The following ABLIM1 variants were observed in gnomAD, a reference collection of about 807,000 sequenced individuals.
ABLIM1 encodes the protein actin-binding LIM protein 1.
ABLIM1 carries 40 observed loss-of-function variants against 107.0 expected under a neutral mutation model. That is an observed-to-expected ratio of 0.37 (90% CI 0.29 to 0.49). The LOEUF is 0.49. Among genes scored for constraint, ABLIM1 ranks in the 20% least tolerant of loss-of-function variants. The pLI is 0.97. For missense variants in ABLIM1, 857 were observed against 1,008.5 expected (o/e 0.85, Z 2.04); for synonymous variants, 357 against 357.3 (o/e 1.00, Z 0.01).
chr10:114,757,743 A>G (rs2082663103), intron 1 of ABLIM1, among the ~76,000 whole-genome samples: 1 of 152,146 alleles, frequency 6.6e-6, no homozygotes, highest in African/African-American at 2.4e-5. Flanking sequence ...CTACATGTTG[A>G]CTGAATGATC....
At chr10:114,475,558 G>A (rs1295692421) in intron 8 of ABLIM1, among the ~76,000 whole-genome samples, 1 of 152,180 alleles carries the variant, frequency 6.6e-6, no homozygotes, top group Admixed American at 6.6e-5. Flanking sequence ...CTAGTTGAGG[G>A]AATGAGCTAG....
intron 1 of ABLIM1, among the ~76,000 whole-genome samples, chr10:114,636,510 A>G (rs553072855): frequency 1.3e-5 from 2 of 152,328 alleles, no homozygotes; most frequent in Admixed American, 6.5e-5. Flanking sequence ...GGTGTTTAGC[A>G]GACAGCTTGA....
intron 1 of ABLIM1, among the ~76,000 whole-genome samples, chr10:114,649,842 A>G (rs60982284): frequency 0.023 from 3,228 of 141,386 alleles, 103 homozygotes; most frequent in African/African-American, 0.082. Flanking sequence ...CACACAATCC[A>G]TATCCCCCCT....
chr10:114,487,669 T>C (rs2058381173), intron 8 of ABLIM1, among the ~76,000 whole-genome samples: 1 of 152,076 alleles, frequency 6.6e-6, no homozygotes, highest in African/African-American at 2.4e-5. Context: ...GATGAGTCGT[T>C]GTTTTCCCAT....
At chr10:114,543,694 C>T (rs185396072) in intron 6 of ABLIM1, among the ~76,000 whole-genome samples, 15 of 152,312 alleles carry the variant, frequency 9.8e-5, no homozygotes, top group East Asian at 9.6e-4. Flanking sequence ...GGCTTCCTAC[C>T]GCTTTTAGGG....
intron 6 of ABLIM1, among the ~76,000 whole-genome samples, chr10:114,505,548 G>T (rs921525352): frequency 2.6e-5 from 4 of 152,116 alleles, no homozygotes; most frequent in Admixed American, 6.6e-5. Flanking sequence ...GAAGGAATAG[G>T]GCAGTATCAG....
At chr10:114,560,055 G>A (rs897634842) in intron 4 of ABLIM1, among the ~76,000 whole-genome samples, 5 of 152,216 alleles carry the variant, frequency 3.3e-5, no homozygotes, top group African/African-American at 1.2e-4. Context: ...GTGGGCACCA[G>A]CCCAGTAATT....
chr10:114,653,559 CA>C (rs1263923506), intron 1 of ABLIM1, among the ~76,000 whole-genome samples: 2 of 151,964 alleles, frequency 1.3e-5, no homozygotes, highest in Admixed American at 6.6e-5. Flanking sequence ...CAAAACCAAA[CA>C]AAAAAAGACA....
intron 1 of ABLIM1, among the ~76,000 whole-genome samples, chr10:114,623,488 G>A (rs1591635854): frequency 6.6e-6 from 1 of 152,132 alleles, no homozygotes; most frequent in South Asian, 2.1e-4. Context: ...TGTGCATGGT[G>A]AGCCAGATGA....
chr10:114,485,037 G>A (rs938701995), intron 8 of ABLIM1, among the ~76,000 whole-genome samples: 9 of 152,262 alleles, frequency 5.9e-5, no homozygotes, highest in African/African-American at 1.7e-4. Flanking sequence ...GTGAACAAAC[G>A]TGGCAACACG....
chr10:114,546,454 C>T (rs189451671), intron 5 of ABLIM1, among the ~76,000 whole-genome samples: 11 of 151,882 alleles, frequency 7.2e-5, no homozygotes, highest in African/African-American at 1.4e-4. Context: ...CCACCATGCC[C>T]GGCTCAGTTT....
At chr10:114,509,438 C>T (rs954442065) in intron 6 of ABLIM1, among the ~76,000 whole-genome samples, 6 of 152,142 alleles carry the variant, frequency 3.9e-5, no homozygotes, top group Admixed American at 6.5e-5. Context: ...TCCTTCCTCC[C>T]GTGCTGTTCT....
chr10:114,602,567 T>C (rs2076099793), intron 1 of ABLIM1, among the ~76,000 whole-genome samples: 1 of 152,228 alleles, frequency 6.6e-6, no homozygotes, highest in Admixed American at 6.5e-5. Flanking sequence ...ATCTAACCTG[T>C]TGCAGGCCTA....
chr10:114,478,515 G>C (rs1435857777), intron 8 of ABLIM1, among the ~76,000 whole-genome samples: 2 of 152,194 alleles, frequency 1.3e-5, no homozygotes, highest in Admixed American at 6.5e-5. Context: ...ATGATAGTGA[G>C]AGAAGTCTCA....
intron 8 of ABLIM1, among the ~76,000 whole-genome samples, chr10:114,482,248 T>C (rs949654211): frequency 2.6e-5 from 4 of 152,196 alleles, no homozygotes; most frequent in African/African-American, 9.6e-5. Context: ...ACGTTTTTCT[T>C]AGGTAATTCT....
intron 1 of ABLIM1, among the ~76,000 whole-genome samples, chr10:114,740,394 C>T (rs1263640846): frequency 2.0e-5 from 3 of 151,946 alleles, no homozygotes; most frequent in Non-Finnish European, 2.9e-5. Flanking sequence ...ACCTTCTCTT[C>T]GGGAATTTTT....
upstream of ABLIM1, among the ~76,000 whole-genome samples, chr10:114,768,664 G>A (rs2082963738): frequency 6.6e-6 from 1 of 151,994 alleles, no homozygotes; most frequent in Non-Finnish European, 1.5e-5. Context: ...TATGGGCGGG[G>A]TGGGATGGGG....
chr10:114,474,384 C>CT (rs71007472), intron 8 of ABLIM1, among the ~76,000 whole-genome samples: 71 of 135,936 alleles, frequency 5.2e-4, no homozygotes, highest in Non-Finnish European at 7.4e-4. Context: ...ATAGAGAGAC[C>CT]TTTTTTTTTT....
chr10:114,639,923 C>G (rs1164681385), intron 1 of ABLIM1, among the ~76,000 whole-genome samples: 1 of 152,104 alleles, frequency 6.6e-6, no homozygotes, highest in Non-Finnish European at 1.5e-5. Context: ...CAGGGAGACT[C>G]AAAGTGAGGA....
Sources: allele counts gnomAD v4.1 joint callset (sites outside exome capture counted in the v4.1 genomes callset), GRCh38; gene constraint gnomAD v4.1.1; transcripts MANE v1.5; gene names NCBI Gene and HGNC (gene_info 2026-07-23, HGNC 2026-07-21).